The following PARD3B variants were observed in gnomAD, a reference collection of about 807,000 sequenced individuals.
The protein encoded by PARD3B is partitioning defective 3 homolog B.
In PARD3B, 103 loss-of-function variants were observed where a neutral mutation model predicts 130.2. The ratio of observed to expected loss-of-function variants is 0.79; its 90% confidence interval spans 0.67 to 0.93. PARD3B has a LOEUF of 0.93. Ranked by LOEUF, PARD3B falls within the 40% of genes least tolerant of loss-of-function variation. The pLI, the probability that PARD3B is intolerant of heterozygous loss-of-function variation, is 0.00. For synonymous variants in PARD3B, 583 were observed against 553.2 expected (o/e 1.05, Z -0.76); for missense variants, 1,609 against 1,499.2 (o/e 1.07, Z -1.21).
chr2:204,553,541 T>G (rs952980465), intron 1 of PARD3B, among the ~76,000 whole-genome samples: 2 of 141,164 alleles, frequency 1.4e-5, no homozygotes, highest in African/African-American at 5.3e-5. Context: ...CTGTGGGGTG[T>G]GTGTGTGTGT....
chr2:204,979,279 A>G (rs1692464822), intron 3 of PARD3B, among the ~76,000 whole-genome samples: 1 of 152,158 alleles, frequency 6.6e-6, no homozygotes, highest in Non-Finnish European at 1.5e-5. Flanking sequence ...AGATGATTCA[A>G]TCTTTAGACT....
intron 4 of PARD3B, among the ~76,000 whole-genome samples, chr2:205,082,442 A>G (rs1166909110): frequency 2.0e-5 from 3 of 152,200 alleles, no homozygotes; most frequent in Non-Finnish European, 4.4e-5. Context: ...GTTTGCTTTC[A>G]TGCTTGTGTG....
At chr2:205,527,173 A>G (rs189613113) in intron 21 of PARD3B, among the ~76,000 whole-genome samples, 2 of 152,326 alleles carry the variant, frequency 1.3e-5, no homozygotes, top group East Asian at 1.9e-4. Flanking sequence ...GCAGTGAAGT[A>G]TGGCTTCCAG....
chr2:204,755,405 C>T (rs754494807), intron 2 of PARD3B, among the ~76,000 whole-genome samples: 1 of 152,100 alleles, frequency 6.6e-6, no homozygotes, highest in Non-Finnish European at 1.5e-5. Context: ...TTTAGAATTT[C>T]AATCCTTTGT....
intron 3 of PARD3B, among the ~76,000 whole-genome samples, chr2:204,974,156 A>G (rs1458258051): frequency 6.6e-6 from 1 of 152,246 alleles, no homozygotes; most frequent in Non-Finnish European, 1.5e-5. Context: ...ACTGTCTGCC[A>G]GATTCTTCAA....
intron 1 of PARD3B, among the ~76,000 whole-genome samples, chr2:204,608,429 G>C (rs1574541863): frequency 6.6e-6 from 1 of 152,206 alleles, no homozygotes; most frequent in East Asian, 1.9e-4. Flanking sequence ...ATCTCCATGG[G>C]GAGGACACGG....
At position 205,581,586 on chromosome 2, in the gene PARD3B, T is replaced by A. The variant is rs1271576832; in HGVS notation, c.3260+28183T>A. On this transcript the variant is annotated intron_variant, in intron 22 of 22. Coordinates refer to ENST00000406610, the MANE Select transcript of PARD3B (RefSeq NM_001302769.2). Reference sequence around the variant, plus strand: ...CAGCCAATAATTTAGTATATATTTTTAAATAACTAAAACAGTGGAATCGGA... The same window carrying A: ...CAGCCAATAATTTAGTATATATTTTAAAATAACTAAAACAGTGGAATCGGA... Among the ~76,000 whole-genome samples the A allele has an allele frequency of 3.3e-5, 5 of 150,474 alleles. No homozygotes were observed. In the South Asian group the frequency reaches 8.4e-4, roughly 25 times the overall value.
At chr2:204,927,684 A>G (rs527656642) in intron 2 of PARD3B, among the ~76,000 whole-genome samples, 99 of 152,304 alleles carry the variant, frequency 6.5e-4, no homozygotes, top group Non-Finnish European at 1.0e-3. Flanking sequence ...TAGGCACAAG[A>G]TATTTCAAGA....
rs1559291861 is a variant in PARD3B, at chr2:204,950,810, C to T, written c.223-14342C>T. 2.6e-5 allele frequency among the ~76,000 whole-genome samples: 4 copies of T among 152,216 alleles called. No individual in the cohort carries two copies. In the South Asian group the frequency reaches 8.3e-4, roughly 32 times the overall value. Reference sequence around the variant, plus strand: ...GAGATTGCAGAAGATATCTCATAGGCGCTAAATACTGAAACCCTGTTTTTC... The same window carrying T: ...GAGATTGCAGAAGATATCTCATAGGTGCTAAATACTGAAACCCTGTTTTTC... On this transcript the variant is annotated intron_variant, in intron 2 of 22. Coordinates refer to ENST00000406610, the MANE Select transcript of PARD3B (RefSeq NM_001302769.2).
intron 2 of PARD3B, among the ~76,000 whole-genome samples, chr2:204,851,968 T>C (rs914696101): frequency 6.6e-6 from 1 of 152,186 alleles, no homozygotes; most frequent in Non-Finnish European, 1.5e-5. Context: ...GTTGGGATTA[T>C]AGGCATGAGC....
chr2:204,826,262 GC>G (rs2043567340), intron 2 of PARD3B, among the ~76,000 whole-genome samples: 2 of 152,176 alleles, frequency 1.3e-5, no homozygotes, highest in Non-Finnish European at 2.9e-5. Context: ...CATAGCTAGT[GC>G]TGCGTGCTCT....
chr2:204,923,355 G>T (rs1402906159), intron 2 of PARD3B, among the ~76,000 whole-genome samples: 1 of 151,780 alleles, frequency 6.6e-6, no homozygotes, highest in Non-Finnish European at 1.5e-5. Context: ...TGATTATATT[G>T]TCATTATTAT....
intron 2 of PARD3B, among the ~76,000 whole-genome samples, chr2:204,935,007 C>T (rs1414737791): frequency 6.6e-6 from 1 of 152,044 alleles, no homozygotes; most frequent in Non-Finnish European, 1.5e-5. Context: ...GCCCTCATGC[C>T]CTCATTTAGA....
intron 18 of PARD3B, among the ~76,000 whole-genome samples, chr2:205,400,337 C>A (rs2046203900): frequency 6.6e-6 from 1 of 151,958 alleles, no homozygotes; most frequent in African/African-American, 2.4e-5. Context: ...CACAGGAGGA[C>A]CTGACGTACA....
chr2:204,811,077 G>A (rs2042944307), intron 2 of PARD3B, among the ~76,000 whole-genome samples: 1 of 151,958 alleles, frequency 6.6e-6, no homozygotes, highest in Admixed American at 6.6e-5. Flanking sequence ...ATCTCTTCTA[G>A]GTTTTCTAGT....
At chr2:205,029,396 A>T (rs563484718) in intron 3 of PARD3B, among the ~76,000 whole-genome samples, 1 of 151,980 alleles carries the variant, frequency 6.6e-6, no homozygotes, top group Non-Finnish European at 1.5e-5. Context: ...ACCTCATCCT[A>T]TAAGTGTCTT....
At position 204,913,647 on chromosome 2, in the gene PARD3B, G is replaced by A. The variant is rs2047331961; in HGVS notation, c.223-51505G>A. On this transcript the variant is annotated intron_variant, in intron 2 of 22. Transcript: ENST00000406610. ...TTTTCATCAGTTGCTATGACAAAAA[G>A]CAATACCTTGTAAAAATCATCATGG... Among the ~76,000 whole-genome samples, 3 of 152,124 alleles carry A rather than the reference G, an allele frequency of 2.0e-5. No individual in the cohort carries two copies. The South Asian group carries it at 6.2e-4, about 32-fold the overall frequency.
chr2:205,379,528 C>T (rs949090201), intron 18 of PARD3B, among the ~76,000 whole-genome samples: 1 of 151,750 alleles, frequency 6.6e-6, no homozygotes, highest in African/African-American at 2.4e-5. Context: ...AGTATATTGG[C>T]AAAGAGAAGA....
intron 21 of PARD3B, among the ~76,000 whole-genome samples, chr2:205,545,460 G>A (rs1475647738): frequency 6.6e-6 from 1 of 152,140 alleles, no homozygotes; most frequent in Non-Finnish European, 1.5e-5. Context: ...GAAATGAAAG[G>A]CACATTTCCT....
Sources: gnomAD v4.1 joint callset for allele counts (sites outside exome capture counted in the v4.1 genomes callset) on GRCh38, gnomAD v4.1.1 for gene constraint, MANE v1.5 for transcripts, NCBI Gene and HGNC (gene_info 2026-07-23, HGNC 2026-07-21) for gene names.